The following USP34 variants were observed in gnomAD, a reference collection of about 807,000 sequenced individuals.
The protein encoded by USP34 is ubiquitin specific peptidase 34.
USP34 carries 70 observed loss-of-function variants against 460.3 expected under a neutral mutation model. The observed-to-expected ratio is 0.15, with a 90% CI of 0.13 to 0.19. USP34 has a LOEUF of 0.19. Ranked by LOEUF, USP34 falls within the 10% of genes least tolerant of loss-of-function variation. USP34 has a pLI of 1.00. For missense variants in USP34, 3,985 were observed against 4,236.2 expected (o/e 0.94, Z 1.65); for synonymous variants, 1,647 against 1,405.3 (o/e 1.17, Z -3.85).
In USP34 at chr2:61,317,706, C is replaced by T. The variant is rs761026186; in HGVS notation, c.3230G>A (p.Cys1077Tyr). The T allele has an allele frequency of 6.2e-7, 1 of 1,614,064 alleles. No homozygotes were observed. Among genetic ancestry groups the T allele is most frequent in the Non-Finnish European group, 8.5e-7 (1 of 1,179,994 alleles). Residue 1077 changes from cysteine (C) to tyrosine (Y), a missense_variant, in exon 23 of 80, where the codon TGT becomes TAT. Physicochemically the swap from Cys to Tyr is radical, Grantham distance 194. Around this residue, in one of 14 missense-constraint regions of USP34, gnomAD observed 1,114 missense variants for 1,122.5 expected, o/e 0.99. Transcript: ENST00000398571. ...MTGLNLFQHL[C>Y]NLARLATSAY... Reference sequence around the variant, plus strand: ...ACTGGTAGCCAATCGAGCCAAGTTACAGAGATGCTGAAACAGGTTTAAGCC... The same window carrying T: ...ACTGGTAGCCAATCGAGCCAAGTTATAGAGATGCTGAAACAGGTTTAAGCC...
chr2:61,466,659 T>C (rs1165673739), intron 1 of USP34, among the ~76,000 whole-genome samples: 1 of 151,908 alleles, frequency 6.6e-6, no homozygotes, highest in East Asian at 1.9e-4. Context: ...CTCCTGTAAT[T>C]GCAGCACTTT....
rs10193806 is a variant in USP34, at chr2:61,337,287, G to C, written c.2744+2064C>G. On this transcript the variant is annotated intron_variant, in intron 18 of 79. Transcript: ENST00000398571. Reference sequence around the variant, plus strand: ...TGTTTTTGTGTCTGGCTTCTTTCTTGCAACATTGTGTTTGTGAAATTCAAC... The same window carrying C: ...TGTTTTTGTGTCTGGCTTCTTTCTTCCAACATTGTGTTTGTGAAATTCAAC... 5.6e-3 allele frequency among the ~76,000 whole-genome samples: 852 copies of C among 152,156 alleles called. 7 individuals carry two copies. Among genetic ancestry groups the C allele is most frequent in the African/African-American group, 0.019 (798 of 41,496 alleles).
At chr2:61,292,739 T>C (rs952450002) in intron 33 of USP34, among the ~76,000 whole-genome samples, 1 of 152,172 alleles carries the variant, frequency 6.6e-6, no homozygotes, top group Non-Finnish European at 1.5e-5. Context: ...ACTGCTTTGA[T>C]GGAAGAAAAT....
At chr2:61,188,876 C>T (rs768331160) in intron 79 of USP34, 34 bp downstream of exon 79, 6 of 1,611,488 alleles carry the variant, frequency 3.7e-6, no homozygotes, top group African/African-American at 1.3e-5. Context: ...CTCCTCCCAC[C>T]CTAAAGGTAA....
rs1211734109 is a variant in USP34, at chr2:61,370,566, C to G, written c.1090G>C (p.Glu364Gln). Reference sequence around the variant, plus strand: ...TTGCTAATAAGCCAGTCTGCAAGTTCTTTTGCAATGGACCTAAAGTCAAGC... The same window carrying G: ...TTGCTAATAAGCCAGTCTGCAAGTTGTTTTGCAATGGACCTAAAGTCAAGC... ...VSDTETSIAK[E>Q]LADWLISNNV... Residue 364 changes from glutamate to glutamine, a missense_variant, in exon 9 of 80, where the codon GAA (glutamate) becomes CAA (glutamine). This residue lies in a region of USP34 where 716 missense variants were observed against 626.2 expected (regional missense o/e 1.14). Transcript: ENST00000398571. The G allele has an allele frequency of 1.9e-6, 3 of 1,613,384 alleles. No homozygotes were observed. The highest frequency in any genetic ancestry group is 2.5e-6 in the Non-Finnish European group (3 of 1,179,876).
chr2:61,334,176 G>A (rs1047795750), intron 18 of USP34, among the ~76,000 whole-genome samples: 8 of 152,038 alleles, frequency 5.3e-5, no homozygotes, highest in Non-Finnish European at 1.0e-4. Flanking sequence ...TCCAATCCAA[G>A]ATCTTTAAGG....
At chr2:61,436,773 G>A (rs1694825102) in intron 1 of USP34, among the ~76,000 whole-genome samples, 1 of 152,138 alleles carries the variant, frequency 6.6e-6, no homozygotes. Context: ...CTCCAGAATT[G>A]ACCATATTTT....
At chr2:61,396,902 AT>A (rs1422374509) in intron 3 of USP34, among the ~76,000 whole-genome samples, 2 of 152,216 alleles carry the variant, frequency 1.3e-5, no homozygotes, top group Non-Finnish European at 2.9e-5. Flanking sequence ...TCTACTGAAA[AT>A]AAACTGTATA....
chr2:61,429,860 G>A (rs55762504), intron 1 of USP34, among the ~76,000 whole-genome samples: 6,478 of 152,062 alleles, frequency 0.043, 456 homozygotes, highest in African/African-American at 0.15. Flanking sequence ...TCAGGAGTTC[G>A]AGACCAGTCT....
intron 37 of USP34, among the ~76,000 whole-genome samples, chr2:61,282,287 A>T (rs1054462308): frequency 2.0e-5 from 3 of 152,162 alleles, no homozygotes; most frequent in African/African-American, 7.2e-5. Context: ...GCCAGAGCTA[A>T]TATTATTAGA....
rs548586272 is a variant in USP34 at position 61,278,293 on chromosome 2, A to G, written c.5313-8T>C. 50 of 1,612,412 alleles carry G rather than the reference A, an allele frequency of 3.1e-5. No individual in the cohort carries two copies. In the South Asian group the frequency reaches 5.1e-4, roughly 16 times the overall value. ...TGATCAAGGATCTCCCTACTACAAA[A>G]AAGAAAAAAAATACACACAAGCAAG... On this transcript the variant is annotated splice_region_variant and splice_polypyrimidine_tract_variant and intron_variant, in intron 40 of 79. Transcript: ENST00000398571.
intron 10 of USP34, among the ~76,000 whole-genome samples, chr2:61,358,608 G>C (rs1193252246): frequency 2.0e-5 from 3 of 152,110 alleles, no homozygotes; most frequent in Non-Finnish European, 4.4e-5. Flanking sequence ...ACACTGTAAT[G>C]AACTACTAGC....
chr2:61,374,156 A>AG (rs71405108), intron 8 of USP34, among the ~76,000 whole-genome samples: 39,469 of 135,462 alleles, frequency 0.29, 5,937 homozygotes, highest in African/African-American at 0.32. Context: ...ACTCCATCTC[A>AG]GGGAAAAAAA....
chr2:61,310,322 A>G (rs1369515909), intron 27 of USP34, among the ~76,000 whole-genome samples: 1 of 152,198 alleles, frequency 6.6e-6, no homozygotes, highest in Non-Finnish European at 1.5e-5. Context: ...GTAATAGCAA[A>G]ATAATGAAAA....
chr2:61,388,629 G>A (rs1426501595), intron 5 of USP34, among the ~76,000 whole-genome samples: 2 of 151,922 alleles, frequency 1.3e-5, no homozygotes, highest in Non-Finnish European at 2.9e-5. Context: ...GGTGGTGGGC[G>A]CCTGTAGCCC....
chr2:61,414,196 C>T (rs1296173188), intron 2 of USP34, among the ~76,000 whole-genome samples: 3 of 151,484 alleles, frequency 2.0e-5, no homozygotes, highest in Non-Finnish European at 2.9e-5. Context: ...CAGAGGATGC[C>T]GAGATCATGC....
rs763788787 is a variant in USP34 at position 61,257,237 on chromosome 2, T to C, written c.5958A>G (p.Leu1986=). 27 of 1,610,846 alleles carry C rather than the reference T, an allele frequency of 1.7e-5. No individual in the cohort carries two copies. The highest frequency in any genetic ancestry group is 5.3e-5 in the African/African-American group (4 of 74,826). Residue 1986 remains leucine (L), a synonymous_variant, in exon 45 of 80, where the codon CTA becomes CTG. Transcript: ENST00000398571. ...QKDMTEFFTD[L]ITKIEEMSPE... Reference sequence around the variant, plus strand: ...GAGACATTTCTTCGATTTTGGTAATTAGATCAGTAAAAAACTCTGTCATAT... The same window carrying C: ...GAGACATTTCTTCGATTTTGGTAATCAGATCAGTAAAAAACTCTGTCATAT...
chr2:61,265,555 G>A lies in USP34; in HGVS notation c.5620C>T (p.His1874Tyr). 6.3e-7 allele frequency: 1 copy of A among 1,588,888 alleles called. No individual in the cohort carries two copies. Among genetic ancestry groups the A allele is most frequent in the Non-Finnish European group, 8.6e-7 (1 of 1,164,562 alleles). Residue 1874 changes from histidine to tyrosine, a missense_variant and splice_region_variant, in exon 43 of 80, where the codon CAT (histidine) becomes TAT (tyrosine). His to Tyr is a moderately conservative substitution (Grantham distance 83, BLOSUM62 2). Transcript: ENST00000398571. ...NWVMAQHMQSHAPYKWDYWPH... is the reference protein window; with the variant it reads ...NWVMAQHMQSYAPYKWDYWPH... Reference sequence around the variant, plus strand: ...CAGTAATCCCATTTATAAGGTGCATGGGCTGCTGAAGAAAGAGGGAGGAAA... The same window carrying A: ...CAGTAATCCCATTTATAAGGTGCATAGGCTGCTGAAGAAAGAGGGAGGAAA...
chr2:61,263,273 C>A (rs997980005), intron 43 of USP34, among the ~76,000 whole-genome samples: 32 of 150,366 alleles, frequency 2.1e-4, no homozygotes, highest in Admixed American at 2.1e-3. Context: ...CTCTGCCTCC[C>A]GGGTTCAAAC....
Sources: allele counts gnomAD v4.1 joint callset (sites outside exome capture counted in the v4.1 genomes callset), GRCh38; gene constraint gnomAD v4.1.1; regional missense constraint gnomAD v4.1.1; transcripts MANE v1.5; gene names NCBI Gene and HGNC (gene_info 2026-07-23, HGNC 2026-07-21).